Variants in PREX1 observed in about 807,000 individuals in gnomAD.
PREX1 encodes the protein phosphatidylinositol-3,4,5-trisphosphate dependent Rac exchange factor 1.
In PREX1, 41 loss-of-function variants were observed where a neutral mutation model predicts 198.3. The observed-to-expected ratio is 0.21, with a 90% CI of 0.16 to 0.27. The LOEUF is 0.27. Ranked by LOEUF, PREX1 falls within the 10% of genes least tolerant of loss-of-function variation. The probability of loss-of-function intolerance (pLI) is 1.00; values close to 1 mark genes in which losing one functional copy is unlikely to be tolerated. For synonymous variants in PREX1, 843 were observed against 887.2 expected, an observed-to-expected ratio of 0.95 and a Z score of 0.89; for missense variants, 1,620 against 2,200.7, an observed-to-expected ratio of 0.74 and a Z score of 5.28.
In PREX1 at chr20:48,825,031, AAG is replaced by A. The variant is rs934068971; in HGVS notation, c.219+2609_219+2610del. Among the ~76,000 whole-genome samples, 3 of 152,272 alleles carry A rather than the reference AAG, an allele frequency of 2.0e-5. No individual in the cohort carries two copies. In the East Asian group the frequency reaches 5.8e-4, roughly 29 times the overall value. On this transcript the variant is annotated intron_variant, in intron 1 of 39. Transcript: ENST00000371941. ...TCCCTTAGCAAATATAAAGGCTGAG[AAG>A]AGAGAGTGGGAAGACAGAAGAGAAT...
At chr20:48,831,166 A>G (rs2090536385), upstream of PREX1, among the ~76,000 whole-genome samples, 1 of 152,102 alleles carries the variant, frequency 6.6e-6, no homozygotes, top group African/African-American at 2.4e-5. Flanking sequence ...ACACACCTCC[A>G]ATGAAGGAAA....
At position 48,792,853 on chromosome 20, in the gene PREX1, C is replaced by CACACACATAT. The variant is rs1256864071; in HGVS notation, c.219+34788_219+34789insATATGTGTGT. Among the ~76,000 whole-genome samples, 187 of 145,352 alleles carry CACACACATAT rather than the reference C, an allele frequency of 1.3e-3. 3 individuals are homozygous for CACACACATAT. The highest frequency in any genetic ancestry group is 4.7e-3 in the African/African-American group (180 of 38,092). ...ACACACACACACACACACACACACACATAGTATGATTCCATTTATATCCAT... is the reference window on the plus strand; with the variant it reads ...ACACACACACACACACACACACACACACACACATATATAGTATGATTCCATTTATATCCAT... On this transcript the variant is annotated intron_variant, in intron 1 of 39. Coordinates refer to ENST00000371941, the MANE Select transcript of PREX1 (RefSeq NM_020820.4).
At chr20:48,799,914 T>G (rs1309750160) in intron 1 of PREX1, among the ~76,000 whole-genome samples, 2 of 152,106 alleles carry the variant, frequency 1.3e-5, no homozygotes, top group African/African-American at 2.4e-5. Context: ...AATCTGCCTC[T>G]GCGCCAGGGG....
chr20:48,629,743 A>G, intron 36 of PREX1, 122 bp from the exon 37 acceptor site: 1 of 1,071,342 alleles, frequency 9.3e-7, no homozygotes, highest in South Asian at 1.5e-5. Flanking sequence ...GCTGCCTCCC[A>G]GCTCACCCCT....
At chr20:48,664,404 C>G (rs1202715226) in intron 15 of PREX1, among the ~76,000 whole-genome samples, 17 of 150,376 alleles carry the variant, frequency 1.1e-4, no homozygotes, top group Admixed American at 9.3e-4. Flanking sequence ...AGAATCCGAG[C>G]TAGGAGCAGA....
intron 5 of PREX1, among the ~76,000 whole-genome samples, chr20:48,721,978 G>A (rs1370648064): frequency 6.6e-6 from 1 of 152,098 alleles, no homozygotes; most frequent in East Asian, 1.9e-4. Context: ...GGGTGGTGGG[G>A]AGGTGGTCTG....
chr20:48,884,320 T>C, the PREX1 span, among the ~76,000 whole-genome samples: 6 of 152,274 alleles, frequency 3.9e-5, no homozygotes, highest in African/African-American at 1.4e-4. Flanking sequence ...CAGTGTGGCG[T>C]TGGCATAAGG....
At chr20:48,690,214 A>C (rs1164420505) in intron 9 of PREX1, among the ~76,000 whole-genome samples, 1 of 152,168 alleles carries the variant, frequency 6.6e-6, no homozygotes, top group Non-Finnish European at 1.5e-5. Context: ...GAGAAAACTG[A>C]GGCCCAGTTT....
intron 11 of PREX1, among the ~76,000 whole-genome samples, chr20:48,680,489 A>T (rs2089742512): frequency 6.6e-6 from 1 of 152,042 alleles, no homozygotes. Context: ...ATAGGATCTC[A>T]TCTCACCTCC....
intron 6 of PREX1, among the ~76,000 whole-genome samples, chr20:48,706,491 G>A (rs151072622): frequency 2.6e-5 from 4 of 152,242 alleles, no homozygotes; most frequent in African/African-American, 9.6e-5. Context: ...CCCATTTCTG[G>A]CCAATGCAAT....
chr20:48,685,148 A>C (rs926915479), intron 10 of PREX1, among the ~76,000 whole-genome samples: 1 of 152,190 alleles, frequency 6.6e-6, no homozygotes, highest in African/African-American at 2.4e-5. Flanking sequence ...CTATGAGGGC[A>C]GGGACTTCAT....
intron 39 of PREX1, 129 bp downstream of exon 39, chr20:48,627,413 CAAAGAG>C (rs2089281385): frequency 9.8e-7 from 1 of 1,018,888 alleles, no homozygotes; most frequent in African/African-American, 1.6e-5. Flanking sequence ...TGTTGCTCCT[CAAAGAG>C]GTTCCCCATA....
chr20:48,838,880 G>T, the PREX1 span, among the ~76,000 whole-genome samples: 1 of 151,438 alleles, frequency 6.6e-6, no homozygotes, highest in East Asian at 1.9e-4. Flanking sequence ...ACAAAAATTA[G>T]CCGGGTGTGG....
At chr20:48,756,994 G>A (rs146404364) in intron 1 of PREX1, among the ~76,000 whole-genome samples, 6 of 152,118 alleles carry the variant, frequency 3.9e-5, no homozygotes, top group South Asian at 2.1e-4. Context: ...TCACTATCAC[G>A]AGAACGGCAT....
chr20:48,715,410 C>G (rs976907946), intron 5 of PREX1, among the ~76,000 whole-genome samples: 3 of 152,226 alleles, frequency 2.0e-5, no homozygotes, highest in Non-Finnish European at 4.4e-5. Flanking sequence ...CCACTAATGC[C>G]TTATTCTAGC....
chr20:48,664,844 C>A (rs565674409), intron 15 of PREX1, among the ~76,000 whole-genome samples: 1 of 142,376 alleles, frequency 7.0e-6, no homozygotes, highest in Non-Finnish European at 1.5e-5. Context: ...ATTCTAATCC[C>A]GGCTCCAGAC....
the PREX1 span, among the ~76,000 whole-genome samples, chr20:48,882,074 A>G: frequency 6.6e-6 from 1 of 152,204 alleles, no homozygotes; most frequent in Non-Finnish European, 1.5e-5. Flanking sequence ...ATGCTACAGC[A>G]TGTATCAGTT....
At chr20:48,677,669 A>G (rs1601068907) in intron 13 of PREX1, among the ~76,000 whole-genome samples, 1 of 152,204 alleles carries the variant, frequency 6.6e-6, no homozygotes, top group Non-Finnish European at 1.5e-5. Flanking sequence ...GCTCTCCAAT[A>G]GGTAGCCATT....
chr20:48,744,641 C>A (rs2122767146), intron 3 of PREX1, among the ~76,000 whole-genome samples: 1 of 152,328 alleles, frequency 6.6e-6, no homozygotes, highest in African/African-American at 2.4e-5. Flanking sequence ...CCAGTGGGTG[C>A]CTGAGCCGGG....
Sources: allele counts gnomAD v4.1 joint callset (sites outside exome capture counted in the v4.1 genomes callset), GRCh38; gene constraint gnomAD v4.1.1; transcripts MANE v1.5; gene names NCBI Gene and HGNC (gene_info 2026-07-23, HGNC 2026-07-21).